The following NELFA variants were observed in gnomAD, a reference collection of about 807,000 sequenced individuals.
The protein encoded by NELFA is negative elongation factor complex member A.
Under a neutral mutation model 51.8 loss-of-function variants are expected in NELFA, and 35 were observed. The observed-to-expected ratio is 0.68, with a 90% CI of 0.52 to 0.90. NELFA has a LOEUF of 0.90. NELFA is among the 40% of genes least tolerant of loss of function. The probability of loss-of-function intolerance (pLI) is 0.00; values close to 1 mark genes in which losing one functional copy is unlikely to be tolerated. For synonymous variants in NELFA, 417 were observed against 338.4 expected (o/e 1.23, Z -2.55); for missense variants, 658 against 746.4 (o/e 0.88, Z 1.38).
At chr4:1,991,911 C>G (rs1728282153) in intron 1 of NELFA, 196 bp from the exon 2 acceptor site, 1 of 555,448 alleles carries the variant, frequency 1.8e-6, no homozygotes, top group African/African-American at 1.9e-5. Context: ...AGCAGCACAG[C>G]CTCTGCCAGG....
intron 5 of NELFA, 27 bp downstream of exon 5, chr4:1,986,245 G>T: frequency 6.4e-7 from 1 of 1,569,288 alleles, no homozygotes; most frequent in Non-Finnish European, 8.6e-7. Flanking sequence ...GCCCCGGGGT[G>T]CCACAGGAGC....
At position 2,002,634 on chromosome 4, in the gene NELFA, A is replaced by G. The variant is rs576252434; in HGVS notation, c.210+6116T>C. On this transcript the variant is annotated intron_variant, in intron 1 of 10. Transcript: ENST00000382882. ...CCTGACAAAAACAAGCGATGGGGAA[A>G]GGATCTTCTATTCAGTAAATGGTGC... Among the ~76,000 whole-genome samples, 6 of 152,336 alleles carry G rather than the reference A, an allele frequency of 3.9e-5. No homozygotes were observed. In the South Asian group the frequency reaches 1.2e-3, roughly 32 times the overall value.
At chr4:1,998,794 GA>G (rs1401765388) in intron 1 of NELFA, among the ~76,000 whole-genome samples, 2 of 152,084 alleles carry the variant, frequency 1.3e-5, no homozygotes, top group Non-Finnish European at 2.9e-5. Context: ...GAAATACAGA[GA>G]ACCCCACTAA....
Position 1,985,923 on chromosome 4 carries a change from G to A in NELFA, c.836-59C>T, listed in dbSNP as rs549402037. On this transcript the variant is annotated intron_variant, in intron 6 of 10. Transcript: ENST00000382882. The stretch of plus-strand genomic sequence containing the variant: ...GGGCGCGTCTGCAGTGTCAGCTCAG[G>A]GCAGCGGCAGGGAATCAAACAGCTT... The A allele has an allele frequency of 8.2e-6, 12 of 1,463,058 alleles. No homozygotes were observed. In the African/African-American group the frequency reaches 1.1e-4, roughly 14 times the overall value. 90.6% of individuals were successfully genotyped at this position (1,463,058 alleles called of 1,614,324 possible). A position where few individuals can be genotyped will look rare whatever the true frequency, so the allele number is the denominator to read the frequency against.
At chr4:1,995,223 G>C (rs1414783858) in intron 1 of NELFA, among the ~76,000 whole-genome samples, 2 of 152,246 alleles carry the variant, frequency 1.3e-5, no homozygotes, top group African/African-American at 4.8e-5. Context: ...TGAAACATCA[G>C]CTCTTCCTGG....
At position 2,008,932 on chromosome 4, in the gene NELFA, C is replaced by T; in HGVS notation, c.28G>A (p.Gly10Ser). 1.9e-6 allele frequency: 3 copies of T among 1,568,642 alleles called. No homozygotes were observed. Among genetic ancestry groups the T allele is most frequent in the Non-Finnish European group, 1.7e-6 (2 of 1,156,962 alleles). MASMRESDTGLWLHNKLGAT... is the reference protein window; with the variant it reads MASMRESDTSLWLHNKLGAT... ...CCCAGCTTGTTGTGCAGCCACAGGC[C>T]CGTGTCGCTCTCCCGCATGGACGCC... Residue 10 changes from glycine to serine, a missense_variant, in exon 1 of 11, where the codon GGC becomes AGC. Gly to Ser is a moderately conservative substitution (Grantham distance 56). Transcript: ENST00000382882.
At chr4:2,006,125 G>T (rs1333216339) in intron 1 of NELFA, among the ~76,000 whole-genome samples, 3 of 152,210 alleles carry the variant, frequency 2.0e-5, no homozygotes, top group Non-Finnish European at 4.4e-5. Flanking sequence ...GACTTAGTGG[G>T]TTATTAGCAC....
At chr4:1,990,035 G>T in intron 2 of NELFA, 166 bp from the exon 3 acceptor site, 1 of 699,174 alleles carries the variant, frequency 1.4e-6, no homozygotes, top group East Asian at 2.7e-5. Flanking sequence ...GGCTCCAGCA[G>T]AACACCCAGG....
intron 1 of NELFA, 32 bp from the exon 2 acceptor site, chr4:1,991,747 GC>G (rs1344979551): frequency 6.4e-7 from 1 of 1,555,392 alleles, no homozygotes; most frequent in Admixed American, 1.9e-5. Context: ...GCGCCACCAT[GC>G]CCCTGCCCAC....
At chr4:2,006,922 G>C (rs933676428) in intron 1 of NELFA, 1 of 153,096 alleles carries the variant, frequency 6.5e-6, no homozygotes, top group Non-Finnish European at 1.5e-5. Context: ...GGAAAAAAGA[G>C]AATTTAAAAG....
chr4:1,987,721 C>G (rs774727020), intron 4 of NELFA, 197 bp downstream of exon 4: 162 of 570,914 alleles, frequency 2.8e-4, no homozygotes, highest in Non-Finnish European at 4.6e-4. Flanking sequence ...TCCGTGCCCA[C>G]ACATCCTCCC....
chr4:2,003,837 CT>C (rs141354558), intron 1 of NELFA: 44,071 of 139,066 alleles, frequency 0.32, 6,866 homozygotes, highest in Non-Finnish European at 0.35. Context: ...CATATGCATC[CT>C]TTTTTTTTTT....
chr4:1,986,199 C>T lies in NELFA; in HGVS notation c.766-16G>A, dbSNP rs1335000780. 4 of 1,560,580 alleles carry T rather than the reference C, an allele frequency of 2.6e-6. No individual in the cohort carries two copies. The East Asian group carries it at 7.2e-5, about 28-fold the overall frequency. ...TGTCCAGCAGCTGCCAAGACAAGCA[C>T]AGCCCTGCCTTAGTGACGGCACCAG... is the stretch of plus-strand genomic sequence containing the variant. On this transcript the variant is annotated splice_polypyrimidine_tract_variant and intron_variant, in intron 5 of 10. Transcript: ENST00000382882.
chr4:2,001,419 T>C (rs1370269829), intron 1 of NELFA, among the ~76,000 whole-genome samples: 1 of 151,478 alleles, frequency 6.6e-6, no homozygotes, highest in Admixed American at 6.6e-5. Flanking sequence ...GCCCAAAAAC[T>C]TGTTGAACTG....
At chr4:1,984,695 AG>A (rs1354116794) in intron 8 of NELFA, 112 bp downstream of exon 8, 5 of 714,114 alleles carry the variant, frequency 7.0e-6, no homozygotes, top group Non-Finnish European at 6.9e-6. Flanking sequence ...CTGAGGCAGA[AG>A]GGGGACAACA....
chr4:1,992,587 C>T (rs1728305207), intron 1 of NELFA: 1 of 243,162 alleles, frequency 4.1e-6, no homozygotes, highest in African/African-American at 2.4e-5. Flanking sequence ...CTGCCCTGTC[C>T]AGACGCCGGG....
intron 4 of NELFA, 151 bp downstream of exon 4, chr4:1,987,767 C>T: frequency 1.6e-6 from 1 of 639,596 alleles, no homozygotes; most frequent in Non-Finnish European, 2.6e-6. Context: ...GGTGAAATTG[C>T]CCCAGTGCCT....
At position 2,008,731 on chromosome 4, in the gene NELFA, G is replaced by A; in HGVS notation, c.210+19C>T. 4 of 1,590,026 alleles carry A rather than the reference G, an allele frequency of 2.5e-6. No homozygotes were observed. The highest frequency in any genetic ancestry group is 3.4e-6 in the Non-Finnish European group (4 of 1,167,622). Reference sequence around the variant, plus strand: ...AAGGTTGGGAATCTGGGGGCCGCGGGGCGCCACGCCTGCCTTACCTCGTCC... The same window carrying A: ...AAGGTTGGGAATCTGGGGGCCGCGGAGCGCCACGCCTGCCTTACCTCGTCC... On this transcript the variant is annotated intron_variant, in intron 1 of 10. Coordinates refer to ENST00000382882, the MANE Select transcript of NELFA (RefSeq NM_005663.5).
Position 1,989,194 on chromosome 4 carries a change from C to T in NELFA, c.544+514G>A, listed in dbSNP as rs1728198212. On this transcript the variant is annotated intron_variant, in intron 3 of 10. Transcript: ENST00000382882. The surrounding 1 kb of genome is among the most constrained non-coding windows in gnomAD (Gnocchi z 4.8). The stretch of plus-strand genomic sequence containing the variant: ...CTCCTGACCTCAGGTGATCTGCTGG[C>T]CTCAGCCTCCCAAAGTGCTGGGTTT... Among the ~76,000 whole-genome samples the T allele has an allele frequency of 6.6e-6, 1 of 152,174 alleles. No homozygotes were observed. Among genetic ancestry groups the T allele is most frequent in the Non-Finnish European group, 1.5e-5 (1 of 68,036 alleles).
Sources: allele counts gnomAD v4.1 joint callset (sites outside exome capture counted in the v4.1 genomes callset), GRCh38; gene constraint gnomAD v4.1.1; non-coding constraint Gnocchi (gnomAD v3.1); transcripts MANE v1.5; gene names NCBI Gene and HGNC (gene_info 2026-07-23, HGNC 2026-07-21).